The following ZNF841 variants were observed in gnomAD, a reference collection of about 807,000 sequenced individuals.
The protein encoded by ZNF841 is zinc finger protein 841.
A neutral mutation model predicts 13.0 loss-of-function variants in ZNF841; 11 were observed. The observed-to-expected ratio is 0.85, with a 90% CI of 0.53 to 1.40. ZNF841 has a LOEUF of 1.40. Ranked by LOEUF, ZNF841 falls within the 40% of genes most tolerant of loss-of-function variation. ZNF841 has a pLI of 0.00. For synonymous variants in ZNF841, 369 were observed against 381.6 expected, an observed-to-expected ratio of 0.97 and a Z score of 0.38; for missense variants, 1,068 against 1,139.5, an observed-to-expected ratio of 0.94 and a Z score of 0.90.
At chr19:52,087,163 G>A (rs1186716206) in intron 3 of ZNF841, among the ~76,000 whole-genome samples, 1 of 152,172 alleles carries the variant, frequency 6.6e-6, no homozygotes, top group Admixed American at 6.5e-5. Flanking sequence ...GAATGACACA[G>A]TTAAACAAAT....
chr19:52,063,844 T>C (rs146039596), downstream of ZNF841: 1 of 152,180 alleles, frequency 6.6e-6, no homozygotes, highest in Non-Finnish European at 1.5e-5. Flanking sequence ...ATTTATACGA[T>C]TTCTTTCCAA....
intron 6 of ZNF841, among the ~76,000 whole-genome samples, chr19:52,068,455 T>A (rs1568537447): frequency 1.3e-5 from 2 of 151,998 alleles, no homozygotes. Flanking sequence ...GGTGGGTGGA[T>A]CACGAGGTCA....
At chr19:52,093,085 C>T (rs1241317110) in intron 2 of ZNF841, among the ~76,000 whole-genome samples, 1 of 152,110 alleles carries the variant, frequency 6.6e-6, no homozygotes, top group East Asian at 1.9e-4. Context: ...CATTGCACTC[C>T]AGCCTGGACA....
chr19:52,076,438 A>G, intron 5 of ZNF841: 3 of 354,290 alleles, frequency 8.5e-6, no homozygotes, highest in Non-Finnish European at 1.6e-5. Flanking sequence ...CAAGACGGGA[A>G]GATGACTTGA....
At chr19:52,091,106 G>A (rs1306482068) in intron 2 of ZNF841, among the ~76,000 whole-genome samples, 2 of 152,038 alleles carry the variant, frequency 1.3e-5, no homozygotes, top group African/African-American at 2.4e-5. Flanking sequence ...ATACTCTTTT[G>A]TCTTTGTCTT....
rs1406504225 is a variant in ZNF841, at chr19:52,067,451, T to C, written c.431A>G (p.Gln144Arg). The change falls in exon 7 of 7, where the codon CAA becomes CGA. Residue 144 changes from glutamine to arginine, a missense_variant. Physicochemically the swap from Gln to Arg is conservative, Grantham distance 43. Transcript: ENST00000594440. ...ATAATTTATTTCACCATCTTTCCATTGAAAGTCAACTTCCTGTAGATTTTT... is the reference window on the plus strand; with the variant it reads ...ATAATTTATTTCACCATCTTTCCATCGAAAGTCAACTTCCTGTAGATTTTT... ...IRKNLQEVDF[Q>R]WKDGEINYKE... 6.4e-7 allele frequency: 1 copy of C among 1,552,304 alleles called. No homozygotes were observed. Among genetic ancestry groups the C allele is most frequent in the Non-Finnish European group, 8.7e-7 (1 of 1,147,478 alleles).
rs1286409439 is a variant in ZNF841 at position 52,084,890 on chromosome 19, A to G, written c.-77-12T>C. 23 of 1,397,838 alleles carry G rather than the reference A, an allele frequency of 1.6e-5. No homozygotes were observed. The highest frequency in any genetic ancestry group is 2.2e-5 in the Non-Finnish European group (22 of 1,020,390). 86.6% of individuals were successfully genotyped at this position (1,397,838 alleles called of 1,614,324 possible). On this transcript the variant is annotated splice_polypyrimidine_tract_variant and intron_variant, in intron 3 of 6. Coordinates refer to ENST00000594440, the MANE Select transcript of ZNF841 (RefSeq NM_001136499.2). Reference sequence around the variant, plus strand: ...TTTAAAAGTCAAATCTGAAAGTCAAAAATATGTTGTTTAATCCTTGGAAAC... The same window carrying G: ...TTTAAAAGTCAAATCTGAAAGTCAAGAATATGTTGTTTAATCCTTGGAAAC...
chr19:52,076,320 A>G (rs1441742318), intron 5 of ZNF841, 148 bp from the exon 6 acceptor site: 1 of 958,796 alleles, frequency 1.0e-6, no homozygotes, highest in Non-Finnish European at 1.5e-6. Context: ...CTTAGTGAAC[A>G]CTGTAAGATG....
chr19:52,074,029 A>G (rs889078973), intron 6 of ZNF841, among the ~76,000 whole-genome samples: 2 of 152,240 alleles, frequency 1.3e-5, no homozygotes, highest in Admixed American at 6.5e-5. Flanking sequence ...ACCGACAAAT[A>G]TATACTTTCA....
chr19:52,077,141 A>C, intron 4 of ZNF841, 57 bp from the exon 5 acceptor site: 12 of 1,524,528 alleles, frequency 7.9e-6, no homozygotes, highest in Non-Finnish European at 9.7e-6. Flanking sequence ...TCTTTACATA[A>C]AATGAGAAGA....
intron 6 of ZNF841, among the ~76,000 whole-genome samples, chr19:52,071,357 A>G (rs2087733509): frequency 6.6e-6 from 1 of 152,196 alleles, no homozygotes. Context: ...GGCCACGAAG[A>G]GGAGATGGAT....
At chr19:52,073,858 G>A (rs1199267565) in intron 6 of ZNF841, among the ~76,000 whole-genome samples, 1 of 152,116 alleles carries the variant, frequency 6.6e-6, no homozygotes, top group East Asian at 1.9e-4. Context: ...AACCCAGCAA[G>A]CTATATTTAG....
At chr19:52,072,005 A>G (rs79480948) in intron 6 of ZNF841, among the ~76,000 whole-genome samples, 8,004 of 152,270 alleles carry the variant, frequency 0.053, 670 homozygotes, top group African/African-American at 0.18. Flanking sequence ...AGGGATGAAA[A>G]AAGATATGCC....
At position 52,066,454 on chromosome 19, in the gene ZNF841, C is replaced by T. The variant is rs545122587; in HGVS notation, c.1428G>A (p.Arg476=). The T allele has an allele frequency of 6.2e-6, 10 of 1,614,000 alleles. No homozygotes were observed. The African/African-American group carries it at 6.7e-5, about 11-fold the overall frequency. ...AGGGTTTCTCTCCAGTATGAATTCT[C>T]CGGTGCCCTGCAAGACGTGAACGTT... ...FFQRSRLAGH[R]RIHTGEKPYK... The change falls in exon 7 of 7, where the codon CGG becomes CGA. Residue 476 remains arginine (R), a synonymous_variant. Transcript: ENST00000594440.
chr19:52,082,309 C>G (rs1713055162), intron 4 of ZNF841, among the ~76,000 whole-genome samples: 1 of 151,986 alleles, frequency 6.6e-6, no homozygotes, highest in Non-Finnish European at 1.5e-5. Context: ...AAAAAAGAAC[C>G]AACAAAATTT....
At position 52,086,159 on chromosome 19, in the gene ZNF841, G is replaced by A. The variant is rs773058492; in HGVS notation, c.-77-1281C>T. The stretch of plus-strand genomic sequence containing the variant: ...ACAGGTCTGCAGGGGACATGGAGAC[G>A]TGTAGGTGGGTAGGTGGGTGATATG... On this transcript the variant is annotated intron_variant, in intron 3 of 6. Transcript: ENST00000594440. Among the ~76,000 whole-genome samples, 3 of 152,172 alleles carry A rather than the reference G, an allele frequency of 2.0e-5. No homozygotes were observed. In the East Asian group the frequency reaches 5.8e-4, roughly 29 times the overall value.
chr19:52,060,117 C>A (rs2087373346), downstream of ZNF841, among the ~76,000 whole-genome samples: 1 of 152,154 alleles, frequency 6.6e-6, no homozygotes, highest in African/African-American at 2.4e-5. Context: ...CAATAAATTC[C>A]TGTTTTCATT....
At chr19:52,083,800 T>C (rs1333406246) in intron 4 of ZNF841, among the ~76,000 whole-genome samples, 1 of 149,846 alleles carries the variant, frequency 6.7e-6, no homozygotes, top group Non-Finnish European at 1.5e-5. Flanking sequence ...AATTAGTATA[T>C]CCGTATCTCA....
In ZNF841 at chr19:52,079,028, T is replaced by C. The variant is rs150614979; in HGVS notation, c.16-1944A>G. ...GCATGCTTGGGACAATGAAAATGTATAAATTGTATTTCATTTACTTTGTAC... is the reference window on the plus strand; with the variant it reads ...GCATGCTTGGGACAATGAAAATGTACAAATTGTATTTCATTTACTTTGTAC... On this transcript the variant is annotated intron_variant, in intron 4 of 6. Coordinates refer to ENST00000594440, the MANE Select transcript of ZNF841 (RefSeq NM_001136499.2). 1.8e-3 allele frequency among the ~76,000 whole-genome samples: 275 copies of C among 152,208 alleles called. 1 individual carries two copies. Among genetic ancestry groups the C allele is most frequent in the African/African-American group, 6.4e-3 (264 of 41,538 alleles).
Sources: gnomAD v4.1 joint callset for allele counts (sites outside exome capture counted in the v4.1 genomes callset) on GRCh38, gnomAD v4.1.1 for gene constraint, MANE v1.5 for transcripts, NCBI Gene and HGNC (gene_info 2026-07-23, HGNC 2026-07-21) for gene names.